The following CRPPA variants were observed in gnomAD, a reference collection of about 807,000 sequenced individuals.
CRPPA encodes D-ribitol-5-phosphate cytidylyltransferase.
A neutral mutation model predicts 52.0 loss-of-function variants in CRPPA; 43 were observed. The observed-to-expected ratio is 0.83, with a 90% CI of 0.65 to 1.07. The LOEUF (loss-of-function observed/expected upper bound fraction) is 1.07, where lower values mean the gene tolerates loss of function less well. CRPPA is among the 50% of genes least tolerant of loss of function. The probability of loss-of-function intolerance (pLI) is 0.00; values close to 1 mark genes in which losing one functional copy is unlikely to be tolerated. For synonymous variants in CRPPA, 250 were observed against 203.5 expected, an observed-to-expected ratio of 1.23 and a Z score of -1.94; for missense variants, 629 against 551.7, an observed-to-expected ratio of 1.14 and a Z score of -1.40.
Position 16,106,960 on chromosome 7 carries a change from A to G in CRPPA, c.1252-15161T>C, listed in dbSNP as rs1157750123. 2.6e-5 allele frequency among the ~76,000 whole-genome samples: 4 copies of G among 152,266 alleles called. No individual in the cohort carries two copies. In the East Asian group the frequency reaches 7.7e-4, roughly 29 times the overall value. On this transcript the variant is annotated intron_variant, in intron 9 of 9. Transcript: ENST00000407010. ...TTTAAAAATTAGATAAAAATCCTAG[A>G]AATAAAAAATACAGTGACTGATCTG...
At chr7:16,373,069 C>T (rs183809147) in intron 3 of CRPPA, among the ~76,000 whole-genome samples, 126 of 152,262 alleles carry the variant, frequency 8.3e-4, no homozygotes, top group Middle Eastern at 6.8e-3. Flanking sequence ...CCAACGCAGA[C>T]GGTTCACCTG....
At chr7:16,353,450 G>A (rs923795302) in intron 3 of CRPPA, among the ~76,000 whole-genome samples, 4 of 152,092 alleles carry the variant, frequency 2.6e-5, no homozygotes, top group Non-Finnish European at 5.9e-5. Context: ...TTGGTCAAAG[G>A]GTATAAAGTT....
At position 16,216,178 on chromosome 7, in the gene CRPPA, T is replaced by A. The variant is rs747075828; in HGVS notation, c.1139A>T (p.Lys380Ile). 6.3e-7 allele frequency: 1 copy of A among 1,578,010 alleles called. No individual in the cohort carries two copies. Among genetic ancestry groups the A allele is most frequent in the East Asian group, 2.2e-5 (1 of 44,472 alleles). Residue 380 changes from lysine to isoleucine, a missense_variant, in exon 9 of 10, where the codon AAA (lysine) becomes ATA (isoleucine). Coordinates refer to ENST00000407010, the MANE Select transcript of CRPPA (RefSeq NM_001101426.4). ...VVVSVHFLDF[K>I]LVPPSQKMEN... is the part of the protein sequence containing the mutation. ...CATTTTCTGACTGGGAGGTACTAAT[T>A]TAAAATCAAGAAAATGAACCTGCAA...
At chr7:16,245,820 G>A (rs1308193009) in intron 8 of CRPPA, among the ~76,000 whole-genome samples, 1 of 152,048 alleles carries the variant, frequency 6.6e-6, no homozygotes, top group African/African-American at 2.4e-5. Flanking sequence ...TCCGTTACGT[G>A]CACAATAGCA....
chr7:16,315,324 T>A (rs569963637), intron 3 of CRPPA, among the ~76,000 whole-genome samples: 11 of 152,274 alleles, frequency 7.2e-5, no homozygotes, highest in African/African-American at 2.6e-4. Flanking sequence ...TGTTTTAAAT[T>A]CCCAGTTGGG....
chr7:16,137,463 C>T (rs1016408237), intron 9 of CRPPA, among the ~76,000 whole-genome samples: 1 of 152,058 alleles, frequency 6.6e-6, no homozygotes, highest in Non-Finnish European at 1.5e-5. Context: ...TGATATATTG[C>T]TGTATTTTGA....
intron 9 of CRPPA, among the ~76,000 whole-genome samples, chr7:16,191,153 C>G (rs542561642): frequency 2.6e-5 from 4 of 152,088 alleles, no homozygotes; most frequent in Middle Eastern, 3.4e-3. Flanking sequence ...GGTAGATACC[C>G]AGGAGTGGGA....
At chr7:16,356,200 A>C (rs1221886445) in intron 3 of CRPPA, among the ~76,000 whole-genome samples, 2 of 152,218 alleles carry the variant, frequency 1.3e-5, no homozygotes, top group Non-Finnish European at 2.9e-5. Flanking sequence ...CCAAACAATA[A>C]AATTATTAAC....
chr7:16,421,220 C>T lies in CRPPA; in HGVS notation c.103G>A (p.Val35Met). ...DHTASASLQSVAGTEPGRHPQ... is the reference protein window; with the variant it reads ...DHTASASLQSMAGTEPGRHPQ... The stretch of plus-strand genomic sequence containing the variant: ...TGGCGCCCGGGCTCGGTCCCGGCCA[C>T]GCTCTGCAGGGAGGCGGAAGCCGTG... Residue 35 changes from valine to methionine, a missense_variant, in exon 1 of 10, where the codon GTG (valine) becomes ATG (methionine). Physicochemically the swap from Val to Met is conservative, Grantham distance 21. Coordinates refer to ENST00000407010, the MANE Select transcript of CRPPA (RefSeq NM_001101426.4). The T allele has an allele frequency of 7.5e-7, 1 of 1,339,676 alleles. No homozygotes were observed. The highest frequency in any genetic ancestry group is 9.6e-7 in the Non-Finnish European group (1 of 1,038,384). 83.0% of individuals were successfully genotyped at this position (1,339,676 alleles called of 1,614,324 possible).
chr7:16,195,550 A>C (rs1008526025), intron 9 of CRPPA, among the ~76,000 whole-genome samples: 1 of 152,014 alleles, frequency 6.6e-6, no homozygotes, highest in Non-Finnish European at 1.5e-5. Context: ...GGGAATCCTT[A>C]GCTTCCCTCT....
intron 9 of CRPPA, among the ~76,000 whole-genome samples, chr7:16,101,656 A>G (rs1359497108): frequency 6.6e-6 from 1 of 152,130 alleles, no homozygotes; most frequent in Non-Finnish European, 1.5e-5. Flanking sequence ...AAAAATCACA[A>G]GCATTCCTAT....
chr7:16,353,012 A>G (rs1786197679), intron 3 of CRPPA, among the ~76,000 whole-genome samples: 1 of 152,114 alleles, frequency 6.6e-6, no homozygotes, highest in Non-Finnish European at 1.5e-5. Flanking sequence ...GCTAAGTAAA[A>G]TAAGACAGGG....
Position 16,089,209 on chromosome 7 carries a change from T to C in CRPPA, c.*2486A>G, listed in dbSNP as rs995512667. On this transcript the variant is annotated 3_prime_UTR_variant, in exon 10 of 10. Transcript: ENST00000407010. ...ACATATATGTGTGTATATACGTACG[T>C]ATATACATATATGTGTGTATGCGTA... 8.3e-6 allele frequency: 3 copies of C among 362,560 alleles called. No individual in the cohort carries two copies. Among genetic ancestry groups the C allele is most frequent in the African/African-American group, 6.2e-5 (3 of 48,084 alleles). The allele number at this position is 362,560 out of a possible 1,614,324, so 22.5% of individuals were successfully genotyped here.
intron 2 of CRPPA, among the ~76,000 whole-genome samples, chr7:16,402,470 A>T (rs942862246): frequency 6.6e-6 from 1 of 152,210 alleles, no homozygotes; most frequent in African/African-American, 2.4e-5. Flanking sequence ...AAAACAAAGG[A>T]GGAAACAAAT....
chr7:16,325,689 T>A (rs1009078877), intron 3 of CRPPA, among the ~76,000 whole-genome samples: 1 of 152,180 alleles, frequency 6.6e-6, no homozygotes, highest in Admixed American at 6.5e-5. Context: ...CATTTAGATA[T>A]TCCATTCACA....
chr7:16,124,880 T>C (rs1024939552), intron 9 of CRPPA, among the ~76,000 whole-genome samples: 1 of 151,832 alleles, frequency 6.6e-6, no homozygotes, highest in Non-Finnish European at 1.5e-5. Flanking sequence ...AAAAAATATA[T>C]ATAATCTCCT....
At chr7:16,370,010 T>C (rs887041043) in intron 3 of CRPPA, among the ~76,000 whole-genome samples, 7 of 151,440 alleles carry the variant, frequency 4.6e-5, no homozygotes, top group African/African-American at 1.7e-4. Context: ...ATTTAGGGAG[T>C]GGTGTGAAAT....
chr7:16,177,914 G>C (rs941943530), intron 9 of CRPPA, among the ~76,000 whole-genome samples: 1 of 151,998 alleles, frequency 6.6e-6, no homozygotes, highest in Non-Finnish European at 1.5e-5. Context: ...CCAAGCTTGA[G>C]AATTATTAAG....
rs1185288829 is a variant in CRPPA, at chr7:16,259,084, C to T, written c.934-72G>A. On this transcript the variant is annotated intron_variant, in intron 6 of 9. Coordinates refer to ENST00000407010, the MANE Select transcript of CRPPA (RefSeq NM_001101426.4). ...CATAAACATCTTTGTTACAAAGGAA[C>T]ACATAATTGCTAGAAGGCCCATAAA... The T allele has an allele frequency of 4.7e-6, 5 of 1,055,734 alleles. No homozygotes were observed. The Admixed American group carries it at 7.1e-5, about 15-fold the overall frequency. The allele number at this position is 1,055,734 out of a possible 1,614,324, so 65.4% of individuals were successfully genotyped here. A position where few individuals can be genotyped will look rare whatever the true frequency, so the allele number is the denominator to read the frequency against.
Sources: allele counts gnomAD v4.1 joint callset (sites outside exome capture counted in the v4.1 genomes callset), GRCh38; gene constraint gnomAD v4.1.1; transcripts MANE v1.5; gene names NCBI Gene and HGNC (gene_info 2026-07-23, HGNC 2026-07-21).